VPS41: variants seen among roughly 807,000 people sequenced by gnomAD.
VPS41 encodes VPS41 subunit of HOPS complex.
A neutral mutation model predicts 130.9 loss-of-function variants in VPS41; 85 were observed. The ratio of observed to expected loss-of-function variants is 0.65; its 90% CI spans 0.55 to 0.78. The LOEUF is 0.78. Among genes scored for constraint, VPS41 ranks in the 30% least tolerant of loss-of-function variants. The pLI, the probability that VPS41 is intolerant of heterozygous loss-of-function variation, is 0.00. For synonymous variants in VPS41, 335 were observed against 332.9 expected (o/e 1.01, Z -0.07); for missense variants, 874 against 1,018.7 (o/e 0.86, Z 1.93).
intron 7 of VPS41, among the ~76,000 whole-genome samples, chr7:38,798,681 G>C (rs73369917): frequency 1.6e-3 from 238 of 152,176 alleles, no homozygotes; most frequent in African/African-American, 5.5e-3. Flanking sequence ...GTCCGAAATG[G>C]GTGAAGCACA....
intron 6 of VPS41, 55 bp downstream of exon 6, chr7:38,821,148 A>C: frequency 7.5e-7 from 1 of 1,329,960 alleles, no homozygotes; most frequent in Non-Finnish European, 1.1e-6. Flanking sequence ...ACTGTAATCC[A>C]TATTGCCTTA....
At chr7:38,781,668 A>G (rs1216958706) in intron 10 of VPS41, among the ~76,000 whole-genome samples, 2 of 152,088 alleles carry the variant, frequency 1.3e-5, no homozygotes, top group African/African-American at 2.4e-5. Context: ...GATTTTTACA[A>G]TTTTCCTCCT....
At chr7:38,888,251 A>AC (rs1381562878) in intron 2 of VPS41, among the ~76,000 whole-genome samples, 1 of 152,192 alleles carries the variant, frequency 6.6e-6, no homozygotes, top group Non-Finnish European at 1.5e-5. Flanking sequence ...TAGAGTCAAG[A>AC]CCCATTGGTG....
chr7:38,728,601 A>G lies in VPS41; in HGVS notation c.2360-15T>C. 1 of 1,614,168 alleles carries G rather than the reference A, an allele frequency of 6.2e-7. No homozygotes were observed. Among genetic ancestry groups the G allele is most frequent in the South Asian group, 1.1e-5 (1 of 91,084 alleles). ...GATGTTCTCCTCTGTAAGAAAACACACATACTTTGGATTATGCCCTGTTTA... is the reference window on the plus strand; with the variant it reads ...GATGTTCTCCTCTGTAAGAAAACACGCATACTTTGGATTATGCCCTGTTTA... On this transcript the variant is annotated splice_polypyrimidine_tract_variant and intron_variant, in intron 26 of 28. Coordinates refer to ENST00000310301, the MANE Select transcript of VPS41 (RefSeq NM_014396.4).
At chr7:38,728,855 C>T (rs1795602088) in intron 25 of VPS41, 64 bp from the exon 26 acceptor site, 1 of 1,426,296 alleles carries the variant, frequency 7.0e-7, no homozygotes. Flanking sequence ...GGTGAAGGGA[C>T]ACTGTACTGG....
intron 1 of VPS41, among the ~76,000 whole-genome samples, chr7:38,904,216 T>C (rs1023471695): frequency 1.3e-5 from 2 of 152,214 alleles, no homozygotes; most frequent in African/African-American, 4.8e-5. Flanking sequence ...CCTGATCTGA[T>C]GAGTGTCCTC....
intron 4 of VPS41, among the ~76,000 whole-genome samples, chr7:38,847,169 A>G (rs1584425292): frequency 6.6e-6 from 1 of 152,336 alleles, no homozygotes; most frequent in East Asian, 1.9e-4. Flanking sequence ...TGGAGAAGGG[A>G]CAATCCCTTC....
At chr7:38,864,196 T>C (rs1417782367) in intron 3 of VPS41, among the ~76,000 whole-genome samples, 1 of 152,212 alleles carries the variant, frequency 6.6e-6, no homozygotes, top group Non-Finnish European at 1.5e-5. Context: ...GCTTGGATCT[T>C]TAAAACGCTT....
At chr7:38,820,210 T>C (rs1785144904) in intron 6 of VPS41, among the ~76,000 whole-genome samples, 2 of 152,212 alleles carry the variant, frequency 1.3e-5, no homozygotes, top group African/African-American at 2.4e-5. Flanking sequence ...ACACTCACTA[T>C]CATTCTTTTC....
At chr7:38,832,777 T>G (rs532631061) in intron 4 of VPS41, among the ~76,000 whole-genome samples, 2 of 152,284 alleles carry the variant, frequency 1.3e-5, no homozygotes, top group South Asian at 4.1e-4. Flanking sequence ...ATCTCATGGT[T>G]CAGTCCTTGC....
intron 9 of VPS41, among the ~76,000 whole-genome samples, chr7:38,792,029 T>G (rs1284766046): frequency 1.3e-5 from 2 of 152,090 alleles, no homozygotes; most frequent in Non-Finnish European, 2.9e-5. Flanking sequence ...CCAGACTGCC[T>G]GGCCAGAGCT....
rs761505545 is a variant in VPS41, at chr7:38,754,914, T to C, written c.1718A>G (p.Asp573Gly). 6.2e-7 allele frequency: 1 copy of C among 1,613,696 alleles called. No individual in the cohort carries two copies. Residue 573 changes from aspartate (D) to glycine (G), a missense_variant, in exon 20 of 29, where the codon GAC becomes GGC. By Grantham distance (94) the Asp-to-Gly change is moderately conservative. Transcript: ENST00000310301. The part of the protein sequence containing the change: ...DSEKAVDMLL[D>G]NEDKISIKKV... ...ACTCACTGAAATTTTATCTTCATTG[T>C]CCAAAAGCATGTCAACAGCTTTCTG... is the stretch of plus-strand genomic sequence containing the variant.
chr7:38,772,706 G>T, intron 12 of VPS41, 69 bp from the exon 13 acceptor site: 1 of 1,082,084 alleles, frequency 9.2e-7, no homozygotes, highest in Non-Finnish European at 1.4e-6. Context: ...GGTTTCAGAG[G>T]ACCTGGTTAG....
intron 7 of VPS41, among the ~76,000 whole-genome samples, chr7:38,811,416 T>C (rs1482187503): frequency 6.6e-6 from 1 of 152,054 alleles, no homozygotes; most frequent in African/African-American, 2.4e-5. Flanking sequence ...CATATTTACA[T>C]GATAAAATTT....
rs1795595210 is a variant in VPS41 at position 38,728,590 on chromosome 7, T to C, written c.2360-4A>G. The C allele has an allele frequency of 6.2e-7, 1 of 1,614,134 alleles. No individual in the cohort carries two copies. Among genetic ancestry groups the C allele is most frequent in the East Asian group, 2.2e-5 (1 of 44,876 alleles). ...CACGACTCACAGATGTTCTCCTCTG[T>C]AAGAAAACACACATACTTTGGATTA... On this transcript the variant is annotated splice_polypyrimidine_tract_variant and splice_region_variant and intron_variant, in intron 26 of 28. Coordinates refer to ENST00000310301, the MANE Select transcript of VPS41 (RefSeq NM_014396.4).
intron 7 of VPS41, among the ~76,000 whole-genome samples, chr7:38,812,531 T>A (rs1359862331): frequency 6.6e-6 from 1 of 151,960 alleles, no homozygotes; most frequent in African/African-American, 2.4e-5. Context: ...ATCAAAAAAA[T>A]TAAGATAAAT....
chr7:38,818,212 A>G (rs1785097773), intron 6 of VPS41, among the ~76,000 whole-genome samples: 1 of 150,118 alleles, frequency 6.7e-6, no homozygotes, highest in African/African-American at 2.5e-5. Flanking sequence ...AGATGTCACA[A>G]CTGTTTCTAA....
chr7:38,859,321 A>C (rs997365969), intron 4 of VPS41, among the ~76,000 whole-genome samples: 2 of 152,148 alleles, frequency 1.3e-5, no homozygotes, highest in Non-Finnish European at 2.9e-5. Context: ...AATTGAGTTT[A>C]GCCTAAGTGT....
At position 38,799,739 on chromosome 7, in the gene VPS41, A is replaced by G. The variant is rs1044918397; in HGVS notation, c.451-2875T>C. On this transcript the variant is annotated intron_variant, in intron 7 of 28. Transcript: ENST00000310301. The stretch of plus-strand genomic sequence containing the variant: ...TTTTAAAAAATGAGAGAATAACAGG[A>G]ATTTTTAAAAAATTAAGTAATTTAG... Among the ~76,000 whole-genome samples, 22 of 152,322 alleles carry G rather than the reference A, an allele frequency of 1.4e-4. No individual in the cohort carries two copies. The South Asian group carries it at 2.1e-3, about 14-fold the overall frequency.
Sources: gnomAD v4.1 joint callset for allele counts (sites outside exome capture counted in the v4.1 genomes callset) on GRCh38, gnomAD v4.1.1 for gene constraint, MANE v1.5 for transcripts, NCBI Gene and HGNC (gene_info 2026-07-23, HGNC 2026-07-21) for gene names.